DACH1: variants seen among roughly 807,000 people sequenced by gnomAD.
DACH1 encodes the protein dachshund family transcription factor 1.
A neutral mutation model predicts 54.2 loss-of-function variants in DACH1; 12 were observed. That is an observed-to-expected ratio of 0.22 (90% CI 0.14 to 0.36). DACH1 has a LOEUF of 0.36. Ranked by LOEUF, DACH1 falls within the 10% of genes least tolerant of loss-of-function variation. DACH1 has a pLI of 1.00. For missense variants in DACH1, 805 were observed against 929.8 expected (o/e 0.87, Z 1.75); for synonymous variants, 386 against 366.2 (o/e 1.05, Z -0.62).
intron 1 of DACH1, among the ~76,000 whole-genome samples, chr13:71,701,494 T>C (rs991162730): frequency 1.2e-4 from 19 of 152,086 alleles, no homozygotes; most frequent in Admixed American, 1.3e-4. Context: ...TGTTCAGATA[T>C]ATAAGTGAAA....
At chr13:71,625,801 C>T (rs1027460016) in intron 3 of DACH1, among the ~76,000 whole-genome samples, 1 of 151,972 alleles carries the variant, frequency 6.6e-6, no homozygotes, top group African/African-American at 2.4e-5. Flanking sequence ...ATACTAAAGT[C>T]TTACAAGTAC....
chr13:71,668,271 G>T lies in DACH1; in HGVS notation c.964+13524C>A, dbSNP rs1879980363. On this transcript the variant is annotated intron_variant, in intron 2 of 10. Coordinates refer to ENST00000613252, the MANE Select transcript of DACH1 (RefSeq NM_080759.6). ...TAACTTACATTTGCATAGTTCTTTG[G>T]AATAAACAGAGTGTTACATCCCCTT... 2.0e-5 allele frequency among the ~76,000 whole-genome samples: 3 copies of T among 151,684 alleles called. No homozygotes were observed. The South Asian group carries it at 6.2e-4, about 32-fold the overall frequency.
At chr13:71,738,240 TCA>T (rs2137938356) in intron 1 of DACH1, among the ~76,000 whole-genome samples, 1 of 152,202 alleles carries the variant, frequency 6.6e-6, no homozygotes, top group East Asian at 1.9e-4. Context: ...GTAGCAAATC[TCA>T]GTCTTGAGAA....
intron 1 of DACH1, among the ~76,000 whole-genome samples, chr13:71,743,966 A>G (rs1884506060): frequency 6.6e-6 from 1 of 152,164 alleles, no homozygotes; most frequent in African/African-American, 2.4e-5. Context: ...CGAAAATATA[A>G]CAAAGGAACC....
chr13:71,684,687 T>C (rs893697721), intron 1 of DACH1, among the ~76,000 whole-genome samples: 1 of 152,172 alleles, frequency 6.6e-6, no homozygotes, highest in Non-Finnish European at 1.5e-5. Flanking sequence ...TATTTGCTTA[T>C]CTCCCAAGGC....
At chr13:71,527,566 T>C (rs1286958609) in intron 6 of DACH1, among the ~76,000 whole-genome samples, 1 of 152,162 alleles carries the variant, frequency 6.6e-6, no homozygotes, top group Admixed American at 6.5e-5. Context: ...TGGTATTTTC[T>C]TCCGTATCGG....
rs549865322 is a variant in DACH1 at position 71,762,136 on chromosome 13, C to G, written c.849-80226G>C. Reference sequence around the variant, plus strand: ...ACTCGGTGAGGTAAAATAACTGGTCCAAGGTAGGGGCTGGAACTTGAGTCA... The same window carrying G: ...ACTCGGTGAGGTAAAATAACTGGTCGAAGGTAGGGGCTGGAACTTGAGTCA... On this transcript the variant is annotated intron_variant, in intron 1 of 10. Transcript: ENST00000613252. Among the ~76,000 whole-genome samples, 86 of 152,018 alleles carry G rather than the reference C, an allele frequency of 5.7e-4. 4 individuals carry two copies. The South Asian group carries it at 0.017, about 30-fold the overall frequency.
intron 1 of DACH1, among the ~76,000 whole-genome samples, chr13:71,790,034 G>A (rs1241840070): frequency 6.6e-6 from 1 of 152,044 alleles, no homozygotes; most frequent in East Asian, 1.9e-4. Context: ...GTGTTTATAT[G>A]CCGCTCCATC....
chr13:71,521,705 C>T (rs1881613299), intron 6 of DACH1, among the ~76,000 whole-genome samples: 1 of 152,022 alleles, frequency 6.6e-6, no homozygotes, highest in African/African-American at 2.4e-5. Flanking sequence ...AAGTAATCAC[C>T]TGATCCCAGA....
At chr13:71,464,757 G>A (rs754052025) in intron 10 of DACH1, 5 of 451,784 alleles carry the variant, frequency 1.1e-5, no homozygotes, top group Admixed American at 2.4e-5. Context: ...CTTTCTTGGC[G>A]GGTCACTTAA....
At chr13:71,693,569 C>G (rs1055132746) in intron 1 of DACH1, among the ~76,000 whole-genome samples, 1 of 150,452 alleles carries the variant, frequency 6.6e-6, no homozygotes, top group African/African-American at 2.5e-5. Flanking sequence ...CCGCCCGCCT[C>G]GGCCTCCCAA....
At chr13:71,494,696 C>A (rs531846639) in intron 6 of DACH1, among the ~76,000 whole-genome samples, 1 of 151,740 alleles carries the variant, frequency 6.6e-6, no homozygotes, top group South Asian at 2.1e-4. Flanking sequence ...ATAATCTTGA[C>A]CAGAAAAACT....
chr13:71,496,299 A>ATC (rs1448958199), intron 6 of DACH1, among the ~76,000 whole-genome samples: 1 of 132,830 alleles, frequency 7.5e-6, no homozygotes, highest in African/African-American at 2.9e-5. Context: ...ATATATATAT[A>ATC]TATATATACA....
chr13:71,640,880 C>G (rs1398676026), intron 2 of DACH1, among the ~76,000 whole-genome samples: 3 of 152,042 alleles, frequency 2.0e-5, no homozygotes, highest in Non-Finnish European at 2.9e-5. Flanking sequence ...AAAAGAATAA[C>G]CTCACTGGCA....
At chr13:71,589,167 T>C (rs868528289) in intron 3 of DACH1, among the ~76,000 whole-genome samples, 3 of 152,118 alleles carry the variant, frequency 2.0e-5, no homozygotes, top group Middle Eastern at 3.4e-3. Flanking sequence ...AGTTAAAACA[T>C]AAAATGGTAC....
chr13:71,693,566 C>T (rs1428299945), intron 1 of DACH1, among the ~76,000 whole-genome samples: 3 of 150,446 alleles, frequency 2.0e-5, no homozygotes, highest in Admixed American at 6.6e-5. Context: ...GATCCGCCCG[C>T]CTCGGCCTCC....
rs548458289 is a variant in DACH1 at position 71,694,417 on chromosome 13, A to G, written c.849-12507T>C. Among the ~76,000 whole-genome samples, 220 of 151,368 alleles carry G rather than the reference A, an allele frequency of 1.5e-3. 1 individual carries two copies. Among genetic ancestry groups the G allele is most frequent in the Admixed American group, 3.4e-3 (52 of 15,180 alleles). On this transcript the variant is annotated intron_variant, in intron 1 of 10. Transcript: ENST00000613252. ...TAGACAAAGGCTGTTTCCAGCCTGC[A>G]GAGATTTAATAACCTGCTTAATTCA...
In DACH1 at chr13:71,438,105, G is replaced by A. The variant is rs889541756; in HGVS notation, c.*2550C>T. On this transcript the variant is annotated 3_prime_UTR_variant, in exon 11 of 11. Coordinates refer to ENST00000613252, the MANE Select transcript of DACH1 (RefSeq NM_080759.6). ...GAAAAATTTCCAATTCTTGCATTAT[G>A]ATGTAAAAACAGATTTTTGTACAGA... The A allele has an allele frequency of 6.6e-6, 1 of 152,288 alleles. No individual in the cohort carries two copies. The highest frequency in any genetic ancestry group is 6.6e-5 in the Admixed American group (1 of 15,234). 9.4% of individuals were successfully genotyped at this position (152,288 alleles called of 1,614,324 possible).
At chr13:71,748,874 C>CT (rs201954828) in intron 1 of DACH1, among the ~76,000 whole-genome samples, 709 of 20,030 alleles carry the variant, frequency 0.035, 8 homozygotes, top group Non-Finnish European at 0.094. Context: ...TTCTTTCTTT[C>CT]TTTCTTTCTT....
Sources: allele counts gnomAD v4.1 joint callset (sites outside exome capture counted in the v4.1 genomes callset), GRCh38; gene constraint gnomAD v4.1.1; transcripts MANE v1.5; gene names NCBI Gene and HGNC (gene_info 2026-07-23, HGNC 2026-07-21).